The following SQLE variants were observed in gnomAD, a reference collection of about 807,000 sequenced individuals.
SQLE encodes the protein squalene monooxygenase.
SQLE carries 29 observed loss-of-function variants against 60.7 expected under a neutral mutation model. That is an observed-to-expected ratio of 0.48 (90% CI 0.36 to 0.65). The LOEUF (loss-of-function observed/expected upper bound fraction) is 0.65. Among genes scored for constraint, SQLE ranks in the 30% least tolerant of loss-of-function variants. The pLI is 0.00. For synonymous variants in SQLE, 237 were observed against 246.8 expected (o/e 0.96, Z 0.37); for missense variants, 605 against 684.1 (o/e 0.88, Z 1.29).
At chr8:125,007,279 G>GCA (rs1814967805) in intron 3 of SQLE, 112 bp from the exon 4 acceptor site, 1 of 620,854 alleles carries the variant, frequency 1.6e-6, no homozygotes, top group Non-Finnish European at 2.6e-6. Flanking sequence ...ACACGTGTTT[G>GCA]CACACACATG....
In SQLE at chr8:125,013,616, G is replaced by A. The variant is rs559559733; in HGVS notation, c.1204+1984G>A. On this transcript the variant is annotated intron_variant, in intron 7 of 10. Transcript: ENST00000265896. ...GATCCACCCACCTCAGCCTCCCAAA[G>A]TCCTGGGATTACAGGCATGAGCCAC... Among the ~76,000 whole-genome samples the A allele has an allele frequency of 2.0e-5, 3 of 152,238 alleles. No individual in the cohort carries two copies. In the East Asian group the frequency reaches 5.8e-4, roughly 29 times the overall value.
At position 124,999,592 on chromosome 8, in the gene SQLE, C is replaced by T. The variant is rs1301364103; in HGVS notation, c.189C>T (p.Phe63=). 5 of 1,613,484 alleles carry T rather than the reference C, an allele frequency of 3.1e-6. No homozygotes were observed. In the African/African-American group the frequency reaches 4.0e-5, roughly 13 times the overall value. Residue 63 remains phenylalanine, a synonymous_variant, in exon 1 of 11, where the codon TTC becomes TTT. Coordinates refer to ENST00000265896, the MANE Select transcript of SQLE (RefSeq NM_003129.4). ...LLGRQQSGSQ[F]ALFSDILSGL... is the part of the protein sequence containing the mutation. Reference sequence around the variant, plus strand: ...GGCGCCAGCAGAGCGGCTCCCAGTTCGCCCTCTTCTCGGATATTCTCTCAG... The same window carrying T: ...GGCGCCAGCAGAGCGGCTCCCAGTTTGCCCTCTTCTCGGATATTCTCTCAG...
rs376815713 is a variant in SQLE, at chr8:125,018,193, A to C, written c.1339A>C (p.Ile447Leu). 6.2e-7 allele frequency: 1 copy of C among 1,606,910 alleles called. No individual in the cohort carries two copies. Among genetic ancestry groups the C allele is most frequent in the Non-Finnish European group, 8.5e-7 (1 of 1,178,198 alleles). Reference protein sequence around the residue: ...GIPDLYDDAAIFEAKKSFYWA... With the variant: ...GIPDLYDDAALFEAKKSFYWA... ...CCCTGACCTTTATGATGATGCAGCT[A>C]TTTTCGAGGTAAGATCAATTATTTT... The change falls in exon 8 of 11, where the codon ATT becomes CTT. Residue 447 changes from isoleucine to leucine, a missense_variant. Physicochemically the swap from Ile to Leu is conservative, Grantham distance 5 (BLOSUM62 2). Transcript: ENST00000265896.
chr8:125,018,218 T>G lies in SQLE; in HGVS notation c.1347+17T>G. The G allele has an allele frequency of 1.2e-6, 2 of 1,608,062 alleles. No homozygotes were observed. The highest frequency in any genetic ancestry group is 1.7e-6 in the Non-Finnish European group (2 of 1,177,892). On this transcript the variant is annotated intron_variant, in intron 8 of 10. Transcript: ENST00000265896. Reference sequence around the variant, plus strand: ...ATTTTCGAGGTAAGATCAATTATTTTGACAAAAATGTCTCAAAATGGATTT... The same window carrying G: ...ATTTTCGAGGTAAGATCAATTATTTGGACAAAAATGTCTCAAAATGGATTT...
At chr8:125,000,231 C>T (rs952616942) in intron 1 of SQLE, among the ~76,000 whole-genome samples, 2 of 152,110 alleles carry the variant, frequency 1.3e-5, no homozygotes, top group African/African-American at 2.4e-5. Flanking sequence ...TAGTAATGTC[C>T]TAACATAAAG....
At chr8:125,009,409 AGG>A in intron 6 of SQLE, 66 bp downstream of exon 6, 1 of 1,402,910 alleles carries the variant, frequency 7.1e-7, no homozygotes, top group Non-Finnish European at 9.6e-7. Context: ...TAAGGATGGC[AGG>A]TGAAACATTC....
intron 4 of SQLE, among the ~76,000 whole-genome samples, chr8:125,007,735 C>G (rs1234430661): frequency 6.6e-6 from 1 of 152,160 alleles, no homozygotes; most frequent in Non-Finnish European, 1.5e-5. Context: ...TGTCACATTA[C>G]TGCTCAAAAA....
chr8:125,009,313 A>G lies in SQLE; in HGVS notation c.1078A>G (p.Met360Val), dbSNP rs370691840. ...GEMPRNLREYMVEKIYPQIPD... is the reference protein window; with the variant it reads ...GEMPRNLREYVVEKIYPQIPD... ...AATGCCAAGGAATTTAAGAGAATAC[A>G]TGGTTGAAAAAATTTACCCACAAAT... Residue 360 changes from methionine to valine, a missense_variant, in exon 6 of 11, where the codon ATG (methionine) becomes GTG (valine). Transcript: ENST00000265896. 1.4e-5 allele frequency: 22 copies of G among 1,612,584 alleles called. No homozygotes were observed. The highest frequency in any genetic ancestry group is 1.9e-5 in the Non-Finnish European group (22 of 1,179,614).
chr8:125,022,039 A>G lies in SQLE; in HGVS notation c.*94A>G. 1 of 857,260 alleles carries G rather than the reference A, an allele frequency of 1.2e-6. No homozygotes were observed. The highest frequency in any genetic ancestry group is 1.6e-6 in the Non-Finnish European group (1 of 633,078). 53.1% of individuals were successfully genotyped at this position (857,260 alleles called of 1,614,324 possible). ...GATATATATAGCATAGTACCATACC[A>G]CTTATAAAGTGGAAACTCTTGGACC... On this transcript the variant is annotated 3_prime_UTR_variant, in exon 11 of 11. Transcript: ENST00000265896.
chr8:124,998,657 A>T lies in SQLE; in HGVS notation c.-747A>T. 1.5e-6 allele frequency: 1 copy of T among 668,198 alleles called. No individual in the cohort carries two copies. The allele number at this position is 668,198 out of a possible 1,614,324, so 41.4% of individuals were successfully genotyped here. On this transcript the variant is annotated 5_prime_UTR_variant, in exon 1 of 11. Transcript: ENST00000265896. ...CGCCATCTGAGGGAGGTACCCTGGA[A>T]ACCACCTTTTATCGGTGGGGAAGTG...
At chr8:125,010,345 GTTTT>G (rs2129892062) in intron 6 of SQLE, among the ~76,000 whole-genome samples, 1 of 152,248 alleles carries the variant, frequency 6.6e-6, no homozygotes, top group East Asian at 1.9e-4. Context: ...TCATGGTACA[GTTTT>G]TAGGATCTTT....
At chr8:125,007,300 T>G (rs1275051819) in intron 3 of SQLE, 91 bp from the exon 4 acceptor site, 2 of 929,606 alleles carry the variant, frequency 2.2e-6, no homozygotes, top group Non-Finnish European at 3.1e-6. Context: ...CATGTCCAGT[T>G]TATATGGATA....
chr8:125,003,503 G>A (rs1814897719), intron 2 of SQLE, 75 bp downstream of exon 2: 1 of 1,469,648 alleles, frequency 6.8e-7, no homozygotes, highest in South Asian at 1.4e-5. Context: ...CCTATGACCA[G>A]TAAGAAGGTA....
rs1030689179 is a variant in SQLE, at chr8:125,020,855, G to A, written c.1516G>A (p.Val506Ile). 5.0e-6 allele frequency: 8 copies of A among 1,613,204 alleles called. No individual in the cohort carries two copies. The highest frequency in any genetic ancestry group is 3.3e-5 in the South Asian group (3 of 90,988). ...TGGTGGCGAATGTGTTGCGGGTCCT[G>A]TTGGGCTGCTTTCTGTGTAAGTTGT... ...KLGGECVAGP[V>I]GLLSVLSPNP... Residue 506 changes from valine to isoleucine, a missense_variant, in exon 10 of 11, where the codon GTT (valine) becomes ATT (isoleucine). Val to Ile is a conservative substitution (Grantham distance 29, BLOSUM62 3). Coordinates refer to ENST00000265896, the MANE Select transcript of SQLE (RefSeq NM_003129.4).
intron 2 of SQLE, among the ~76,000 whole-genome samples, chr8:125,003,791 A>T (rs561010310): frequency 4.0e-5 from 6 of 148,390 alleles, no homozygotes; most frequent in Non-Finnish European, 7.4e-5. Flanking sequence ...AGAATCTTTT[A>T]TTTAAGCACC....
intron 6 of SQLE, among the ~76,000 whole-genome samples, chr8:125,009,741 C>T (rs1376535925): frequency 1.3e-5 from 2 of 151,208 alleles, no homozygotes; most frequent in African/African-American, 4.9e-5. Flanking sequence ...TGTAGTGAGC[C>T]GAGATCGTGC....
rs74401077 is a variant in SQLE at position 125,017,087 on chromosome 8, G to T, written c.1205-972G>T. Among the ~76,000 whole-genome samples the T allele has an allele frequency of 1.1e-3, 166 of 152,152 alleles. 1 individual carries two copies. The highest frequency in any genetic ancestry group is 3.8e-3 in the African/African-American group (159 of 41,500). ...CAGACCTGAAGCCAGTACAGCACTG[G>T]GTATTGGTGAAAGGCTTGTGGTGAT... On this transcript the variant is annotated intron_variant, in intron 7 of 10. Transcript: ENST00000265896.
At chr8:125,021,542 G>A (rs1352219046) in intron 10 of SQLE, among the ~76,000 whole-genome samples, 22 of 73,112 alleles carry the variant, frequency 3.0e-4, no homozygotes, top group African/African-American at 9.7e-4. Context: ...AAAAAAAAAA[G>A]GGGGGTGGGG....
At position 125,018,163 on chromosome 8, in the gene SQLE, G is replaced by T. The variant is rs1815140225; in HGVS notation, c.1309G>T (p.Gly437Cys). ...DIKLWRKLLK[G>C]IPDLYDDAAI... ...AAAACTATGGAGAAAACTGCTAAAGGGTATCCCTGACCTTTATGATGATGC... is the reference window on the plus strand; with the variant it reads ...AAAACTATGGAGAAAACTGCTAAAGTGTATCCCTGACCTTTATGATGATGC... Residue 437 changes from glycine (G) to cysteine (C), a missense_variant, in exon 8 of 11, where the codon GGT (glycine) becomes TGT (cysteine). Coordinates refer to ENST00000265896, the MANE Select transcript of SQLE (RefSeq NM_003129.4). 5.0e-6 allele frequency: 8 copies of T among 1,613,740 alleles called. No homozygotes were observed. The highest frequency in any genetic ancestry group is 4.2e-6 in the Non-Finnish European group (5 of 1,179,814).
Sources: gnomAD v4.1 joint callset for allele counts (sites outside exome capture counted in the v4.1 genomes callset) on GRCh38, gnomAD v4.1.1 for gene constraint, MANE v1.5 for transcripts, NCBI Gene and HGNC (gene_info 2026-07-23, HGNC 2026-07-21) for gene names.